The following MEIS1 variants were observed in gnomAD, a reference collection of about 807,000 sequenced individuals.
MEIS1 encodes Meis homeobox 1, also known as homeobox protein Meis1.
MEIS1 carries 5 observed loss-of-function variants against 50.8 expected under a neutral mutation model. The observed-to-expected ratio is 0.10, with a 90% CI of 0.05 to 0.21. The LOEUF (loss-of-function observed/expected upper bound fraction) is 0.21. MEIS1 is among the 10% of genes least tolerant of loss of function. The pLI, the probability that MEIS1 is intolerant of heterozygous loss-of-function variation, is 1.00. For synonymous variants in MEIS1, 176 were observed against 179.3 expected, an observed-to-expected ratio of 0.98 and a Z score of 0.15; for missense variants, 318 against 517.3, an observed-to-expected ratio of 0.61 and a Z score of 3.74.
At chr2:66,452,048 G>A (rs1287872908) in intron 6 of MEIS1, among the ~76,000 whole-genome samples, 1 of 151,832 alleles carries the variant, frequency 6.6e-6, no homozygotes, top group Non-Finnish European at 1.5e-5. Context: ...GCAGCAAATA[G>A]GTAAGATGCT....
chr2:66,541,000 G>C (rs954615898), intron 8 of MEIS1, among the ~76,000 whole-genome samples: 1 of 151,716 alleles, frequency 6.6e-6, no homozygotes, highest in Non-Finnish European at 1.5e-5. Context: ...GATAAGTGAG[G>C]CAGGGAGGGC....
intron 2 of MEIS1, among the ~76,000 whole-genome samples, chr2:66,438,166 G>A (rs1487714971): frequency 2.0e-5 from 3 of 152,190 alleles, no homozygotes; most frequent in African/African-American, 7.2e-5. Flanking sequence ...TGCACATCCA[G>A]TGCCCTGCTC....
At chr2:66,544,494 A>G (rs1356327662) in intron 8 of MEIS1, among the ~76,000 whole-genome samples, 1 of 152,182 alleles carries the variant, frequency 6.6e-6, no homozygotes, top group Admixed American at 6.5e-5. Flanking sequence ...CACTAAGGCC[A>G]AGAACTATGA....
intron 1 of MEIS1, chr2:66,436,754 C>A: frequency 2.4e-6 from 1 of 423,062 alleles, no homozygotes; most frequent in Non-Finnish European, 3.2e-6. Context: ...CTTTGAAAAT[C>A]ATTTCACTCT....
At chr2:66,466,411 G>A (rs931297799) in intron 7 of MEIS1, among the ~76,000 whole-genome samples, 1 of 152,166 alleles carries the variant, frequency 6.6e-6, no homozygotes, top group East Asian at 1.9e-4. Context: ...CTTCCTTGTG[G>A]GTTTTCTTTG....
chr2:66,466,341 C>G (rs1224771164), intron 7 of MEIS1, among the ~76,000 whole-genome samples: 1 of 152,240 alleles, frequency 6.6e-6, no homozygotes, highest in African/African-American at 2.4e-5. Flanking sequence ...TTCCCCTACC[C>G]CACCTTTCTG....
chr2:66,507,688 C>G (rs1165749214), intron 7 of MEIS1, among the ~76,000 whole-genome samples: 3 of 152,170 alleles, frequency 2.0e-5, no homozygotes, highest in Non-Finnish European at 2.9e-5. Context: ...AAAATGGAAG[C>G]AAGGCTTTGA....
intron 9 of MEIS1, among the ~76,000 whole-genome samples, chr2:66,553,005 A>T (rs955301896): frequency 9.2e-5 from 14 of 152,326 alleles, no homozygotes; most frequent in Admixed American, 2.0e-4. Context: ...ATAAAGTTAA[A>T]CAGAGGTATG....
chr2:66,437,023 C>T, intron 1 of MEIS1: 2 of 867,618 alleles, frequency 2.3e-6, no homozygotes, highest in Non-Finnish European at 2.8e-6. Flanking sequence ...ATATTAGCTG[C>T]TTCAACTATA....
At chr2:66,436,872 GTTT>G (rs5831809) in intron 1 of MEIS1, 29 of 890,632 alleles carry the variant, frequency 3.3e-5, no homozygotes, top group East Asian at 1.2e-4. Flanking sequence ...TATGAAAGTA[GTTT>G]TTTTTTTTTT....
At chr2:66,439,220 C>T in intron 2 of MEIS1, 14 of 931,738 alleles carry the variant, frequency 1.5e-5, no homozygotes, top group Non-Finnish European at 1.8e-5. Flanking sequence ...CTTTGGGGGG[C>T]GGTGGGGGCT....
intron 9 of MEIS1, among the ~76,000 whole-genome samples, chr2:66,560,079 A>T (rs1675174311): frequency 1.3e-5 from 2 of 148,572 alleles, no homozygotes; most frequent in Non-Finnish European, 3.0e-5. Context: ...TATAGGCATA[A>T]GCCACAACTC....
At chr2:66,540,217 TTGAA>T (rs1473365397) in intron 8 of MEIS1, among the ~76,000 whole-genome samples, 1 of 152,154 alleles carries the variant, frequency 6.6e-6, no homozygotes, top group African/African-American at 2.4e-5. Flanking sequence ...AATAATGAGT[TTGAA>T]TGAGCTATTG....
At chr2:66,457,374 C>T (rs558597802) in intron 6 of MEIS1, among the ~76,000 whole-genome samples, 34 of 152,152 alleles carry the variant, frequency 2.2e-4, no homozygotes, top group Admixed American at 1.4e-3. Flanking sequence ...AGCCACCAAG[C>T]ATTTCAGTAC....
chr2:66,463,080 A>G (rs1419967557), intron 6 of MEIS1, among the ~76,000 whole-genome samples: 2 of 152,114 alleles, frequency 1.3e-5, no homozygotes, highest in East Asian at 3.9e-4. Context: ...AGAAATAAGC[A>G]AAGAGCTCTT....
At chr2:66,462,799 A>G (rs1277534120) in intron 6 of MEIS1, among the ~76,000 whole-genome samples, 3 of 152,248 alleles carry the variant, frequency 2.0e-5, no homozygotes, top group Non-Finnish European at 4.4e-5. Flanking sequence ...GAGAATATGC[A>G]TAATGGGTCA....
chr2:66,437,009 T>C (rs924993875), intron 1 of MEIS1: 1 of 915,304 alleles, frequency 1.1e-6, no homozygotes, highest in Non-Finnish European at 1.3e-6. Flanking sequence ...AATAAGAAAA[T>C]AGAATATTAG....
rs373593067 is a variant in MEIS1 at position 66,499,811 on chromosome 2, A to T, written c.743-12338A>T. On this transcript the variant is annotated intron_variant, in intron 7 of 12. Transcript: ENST00000272369. ...TACCTTTTTAAATATTATAACTTTT[A>T]GGGACATTCTTGATGAAAATGTTTC... Among the ~76,000 whole-genome samples the T allele has an allele frequency of 3.3e-5, 5 of 152,102 alleles. No homozygotes were observed. The East Asian group carries it at 9.7e-4, about 29-fold the overall frequency.
In MEIS1 at chr2:66,516,412, C is replaced by G. The variant is rs185661107; in HGVS notation, c.888+4118C>G. ...TTTTCATTCACACTCTCTCCTACTC[C>G]CCATCCATTCACCATCCTGAGGATC... On this transcript the variant is annotated intron_variant, in intron 8 of 12. Coordinates refer to ENST00000272369, the MANE Select transcript of MEIS1 (RefSeq NM_002398.3). Among the ~76,000 whole-genome samples, 3 of 152,220 alleles carry G rather than the reference C, an allele frequency of 2.0e-5. No individual in the cohort carries two copies. In the East Asian group the frequency reaches 5.8e-4, roughly 29 times the overall value.
Sources: allele counts gnomAD v4.1 joint callset (sites outside exome capture counted in the v4.1 genomes callset), GRCh38; gene constraint gnomAD v4.1.1; transcripts MANE v1.5; gene names NCBI Gene and HGNC (gene_info 2026-07-23, HGNC 2026-07-21).